Variants in FREM2 observed in about 807,000 individuals in gnomAD.
FREM2 encodes the protein FRAS1 related extracellular matrix 2.
FREM2 carries 119 observed loss-of-function variants against 219.9 expected under a neutral mutation model. The observed-to-expected ratio is 0.54, with a 90% CI of 0.47 to 0.63. The LOEUF (loss-of-function observed/expected upper bound fraction) is 0.63. Ranked by LOEUF, FREM2 falls within the 30% of genes least tolerant of loss-of-function variation. FREM2 has a pLI of 0.00. For missense variants in FREM2, 4,030 were observed against 3,993.6 expected (o/e 1.01, Z -0.25); for synonymous variants, 1,562 against 1,522.8 (o/e 1.03, Z -0.60).
chr13:38,883,426 A>G lies in FREM2; in HGVS notation c.*2639A>G, dbSNP rs1230262595. 1 of 152,188 alleles carries G rather than the reference A, an allele frequency of 6.6e-6. No homozygotes were observed. The highest frequency in any genetic ancestry group is 1.5e-5 in the Non-Finnish European group (1 of 68,022). 9.4% of individuals were successfully genotyped at this position (152,188 alleles called of 1,614,324 possible). A position where few individuals can be genotyped will look rare whatever the true frequency, so the allele number is the denominator to read the frequency against. On this transcript the variant is annotated 3_prime_UTR_variant, in exon 24 of 24. Coordinates refer to ENST00000280481, the MANE Select transcript of FREM2 (RefSeq NM_207361.6). ...CCATAGAGAACAGGATATAGCAATA[A>G]TAGCTCCTTAGATACTCAGTGGCTT...
chr13:38,872,660 A>C (rs1878199891), intron 16 of FREM2, 82 bp from the exon 17 acceptor site: 1 of 1,190,180 alleles, frequency 8.4e-7, no homozygotes, highest in Middle Eastern at 2.0e-4. Context: ...CAGTTAAGCG[A>C]AAAGAGAAAA....
Position 38,846,578 on chromosome 13 carries a change from A to G in FREM2, c.6025A>G (p.Ile2009Val), listed in dbSNP as rs748795408. 2 of 1,613,516 alleles carry G rather than the reference A, an allele frequency of 1.2e-6. No homozygotes were observed. The highest frequency in any genetic ancestry group is 1.1e-5 in the South Asian group (1 of 91,060). The change falls in exon 7 of 24, where the codon ATC becomes GTC. Residue 2009 changes from isoleucine to valine, a missense_variant. Coordinates refer to ENST00000280481, the MANE Select transcript of FREM2 (RefSeq NM_207361.6). ...TTCTGTTCCTTTCTTAACAGAACCC[A>G]TCTTTTACTTCGGTGATGTGGAATA... is the stretch of plus-strand genomic sequence containing the variant. ...TIVPDKDDEPIFYFGDVEYSV... is the reference protein window; with the variant it reads ...TIVPDKDDEPVFYFGDVEYSV...
intron 2 of FREM2, among the ~76,000 whole-genome samples, chr13:38,761,028 A>C (rs1053090087): frequency 9.9e-5 from 15 of 152,184 alleles, no homozygotes; most frequent in Non-Finnish European, 1.5e-5. Flanking sequence ...ATTTTCTGGA[A>C]TATCTCAGGA....
intron 2 of FREM2, among the ~76,000 whole-genome samples, chr13:38,730,047 C>T (rs769715239): frequency 2.6e-5 from 4 of 152,170 alleles, no homozygotes; most frequent in Non-Finnish European, 5.9e-5. Flanking sequence ...GAGTGCCTAA[C>T]GGGAGTGAAC....
chr13:38,758,046 C>T (rs912703802), intron 2 of FREM2, among the ~76,000 whole-genome samples: 1 of 152,266 alleles, frequency 6.6e-6, no homozygotes, highest in Admixed American at 6.5e-5. Flanking sequence ...TTCTTGAATA[C>T]CTTACTATTG....
At chr13:38,727,582 G>A (rs899745100) in intron 2 of FREM2, among the ~76,000 whole-genome samples, 2 of 152,248 alleles carry the variant, frequency 1.3e-5, no homozygotes, top group Non-Finnish European at 2.9e-5. Context: ...CAAGCTGCAT[G>A]AAGGCAGAGA....
intron 8 of FREM2, among the ~76,000 whole-genome samples, chr13:38,849,814 G>A (rs1877301976): frequency 6.6e-6 from 1 of 152,104 alleles, no homozygotes; most frequent in African/African-American, 2.4e-5. Context: ...ACATTTCATT[G>A]CATACCCTTA....
chr13:38,693,687 T>C (rs1356367680), intron 1 of FREM2, among the ~76,000 whole-genome samples: 1 of 152,220 alleles, frequency 6.6e-6, no homozygotes, highest in East Asian at 1.9e-4. Flanking sequence ...GGGGGTGTTC[T>C]TTTCCTGCAA....
chr13:38,799,356 T>C (rs927649646), intron 6 of FREM2, among the ~76,000 whole-genome samples: 1 of 152,086 alleles, frequency 6.6e-6, no homozygotes, highest in African/African-American at 2.4e-5. Flanking sequence ...TTAAAAAATT[T>C]GTTGAGGCTT....
intron 10 of FREM2, 53 bp downstream of exon 10, chr13:38,851,161 C>A (rs1877356964): frequency 6.9e-6 from 11 of 1,585,242 alleles, no homozygotes. Context: ...TAAAATCCAG[C>A]CAAGTCAAGG....
chr13:38,767,061 G>T (rs544769137), intron 3 of FREM2, among the ~76,000 whole-genome samples: 1 of 152,188 alleles, frequency 6.6e-6, no homozygotes, highest in Non-Finnish European at 1.5e-5. Flanking sequence ...TTTAAAGTTA[G>T]CCAGCTAGTA....
chr13:38,696,827 A>G (rs1357747236), intron 1 of FREM2, among the ~76,000 whole-genome samples: 1 of 136,462 alleles, frequency 7.3e-6, no homozygotes, highest in African/African-American at 2.7e-5. Context: ...TTTTTTTTTG[A>G]GACAGGGTCT....
Position 38,690,844 on chromosome 13 carries a change from G to C in FREM2, c.3500G>C (p.Cys1167Ser). ...EPVEDRFVFR[C>S]SDGINFSERQ... is the part of the protein sequence containing the mutation. Reference sequence around the variant, plus strand: ...GTGGAGGACCGATTTGTATTTCGTTGTTCTGATGGCATTAACTTTTCAGAG... The same window carrying C: ...GTGGAGGACCGATTTGTATTTCGTTCTTCTGATGGCATTAACTTTTCAGAG... Residue 1167 changes from cysteine (C) to serine (S), a missense_variant, in exon 1 of 24, where the codon TGT becomes TCT. Around this residue, in one of 2 missense-constraint regions of FREM2, gnomAD observed 3,102 missense variants for 2,950.7 expected, o/e 1.05. Coordinates refer to ENST00000280481, the MANE Select transcript of FREM2 (RefSeq NM_207361.6). The C allele has an allele frequency of 6.2e-7, 1 of 1,614,156 alleles. No individual in the cohort carries two copies. Among genetic ancestry groups the C allele is most frequent in the Non-Finnish European group, 8.5e-7 (1 of 1,180,030 alleles).
At chr13:38,798,346 C>T (rs1033603621) in intron 6 of FREM2, among the ~76,000 whole-genome samples, 5 of 151,996 alleles carry the variant, frequency 3.3e-5, no homozygotes, top group South Asian at 2.1e-4. Flanking sequence ...GGTGTATTAT[C>T]TTTTTGATGT....
At position 38,689,336 on chromosome 13, in the gene FREM2, G is replaced by A; in HGVS notation, c.1992G>A (p.Gly664=). Residue 664 remains glycine, a synonymous_variant, in exon 1 of 24, where the codon GGG becomes GGA. Coordinates refer to ENST00000280481, the MANE Select transcript of FREM2 (RefSeq NM_207361.6). ...FYRHSGPHSP[G]PVTDQFTFRV... Reference sequence around the variant, plus strand: ...GACACTCTGGGCCCCATAGTCCTGGGCCAGTCACAGACCAGTTCACATTTA... The same window carrying A: ...GACACTCTGGGCCCCATAGTCCTGGACCAGTCACAGACCAGTTCACATTTA... 1.2e-6 allele frequency: 2 copies of A among 1,614,020 alleles called. No homozygotes were observed. The highest frequency in any genetic ancestry group is 8.5e-7 in the Non-Finnish European group (1 of 1,180,004).
rs547836732 is a variant in FREM2, at chr13:38,735,709, C to T, written c.5264-28595C>T. ...TTTTGTTACTCCTAAAACAGAGTGG[C>T]TTTTCAAGTAGGCCTAGCAGCTGAG... On this transcript the variant is annotated intron_variant, in intron 2 of 23. Transcript: ENST00000280481. 2.6e-5 allele frequency among the ~76,000 whole-genome samples: 4 copies of T among 152,260 alleles called. No homozygotes were observed. In the South Asian group the frequency reaches 8.3e-4, roughly 32 times the overall value.
At chr13:38,709,776 C>A (rs1870692140) in intron 2 of FREM2, among the ~76,000 whole-genome samples, 2 of 133,700 alleles carry the variant, frequency 1.5e-5, no homozygotes, top group African/African-American at 2.7e-5. Context: ...TGTACCAAAC[C>A]CTTCTAATGA....
intron 1 of FREM2, among the ~76,000 whole-genome samples, chr13:38,695,927 C>G (rs758685369): frequency 1.5e-4 from 23 of 151,896 alleles, no homozygotes; most frequent in South Asian, 6.2e-4. Context: ...AAAAAAAATC[C>G]CAGAAGTTTT....
At chr13:38,764,518 G>A in intron 3 of FREM2, 68 bp downstream of exon 3, 1 of 941,098 alleles carries the variant, frequency 1.1e-6, no homozygotes, top group Non-Finnish European at 1.6e-6. Context: ...ATTCTACAGT[G>A]ATTAAAGTAT....
Sources: allele counts gnomAD v4.1 joint callset (sites outside exome capture counted in the v4.1 genomes callset), GRCh38; gene constraint gnomAD v4.1.1; regional missense constraint gnomAD v4.1.1; transcripts MANE v1.5; gene names NCBI Gene and HGNC (gene_info 2026-07-23, HGNC 2026-07-21).